The following SLC26A5 variants were observed in gnomAD, a reference collection of about 807,000 sequenced individuals.
SLC26A5 encodes the protein prestin.
SLC26A5 carries 51 observed loss-of-function variants against 81.0 expected under a neutral mutation model. The observed-to-expected ratio is 0.63, with a 90% CI of 0.50 to 0.80. SLC26A5 has a LOEUF of 0.80. Among genes scored for constraint, SLC26A5 ranks in the 30% least tolerant of loss-of-function variants. SLC26A5 has a pLI of 0.00. For missense variants in SLC26A5, 771 were observed against 905.8 expected (o/e 0.85, Z 1.91); for synonymous variants, 325 against 332.8 (o/e 0.98, Z 0.25).
rs559815541 is a variant in SLC26A5, at chr7:103,409,677, C to T, written c.735+708G>A. Among the ~76,000 whole-genome samples, 38 of 151,828 alleles carry T rather than the reference C, an allele frequency of 2.5e-4. 1 individual carries two copies. The highest frequency in any genetic ancestry group is 4.6e-4 in the Non-Finnish European group (31 of 67,944). On this transcript the variant is annotated intron_variant, in intron 7 of 19. Coordinates refer to ENST00000306312, the MANE Select transcript of SLC26A5 (RefSeq NM_198999.3). Reference sequence around the variant, plus strand: ...TTCATGTTAGTTAAATCTTTTATAGCCTTACTTATTTTTTGCCAGTTTGAA... The same window carrying T: ...TTCATGTTAGTTAAATCTTTTATAGTCTTACTTATTTTTTGCCAGTTTGAA...
At chr7:103,432,081 A>G (rs1826121839) in intron 2 of SLC26A5, among the ~76,000 whole-genome samples, 2 of 152,010 alleles carry the variant, frequency 1.3e-5, no homozygotes, top group East Asian at 3.9e-4. Flanking sequence ...ACACTCACCT[A>G]ATTTTTGTAT....
At chr7:103,443,922 A>AT (rs948620014) in intron 1 of SLC26A5, among the ~76,000 whole-genome samples, 5 of 151,766 alleles carry the variant, frequency 3.3e-5, no homozygotes, top group Admixed American at 2.0e-4. Flanking sequence ...GAGCTTTTTT[A>AT]TTTTTTTTCT....
intron 2 of SLC26A5, among the ~76,000 whole-genome samples, chr7:103,428,094 C>T (rs747553086): frequency 2.6e-5 from 4 of 152,174 alleles, no homozygotes; most frequent in Non-Finnish European, 5.9e-5. Context: ...CTCAGGTGAT[C>T]TGCCCACCTT....
intron 2 of SLC26A5, among the ~76,000 whole-genome samples, chr7:103,426,249 C>A (rs1255206531): frequency 6.6e-6 from 1 of 152,160 alleles, no homozygotes; most frequent in South Asian, 2.1e-4. Flanking sequence ...TTAACTGTCA[C>A]AACCATTTCA....
intron 8 of SLC26A5, among the ~76,000 whole-genome samples, chr7:103,404,054 G>T (rs1230550951): frequency 4.6e-5 from 7 of 152,020 alleles, no homozygotes; most frequent in Admixed American, 1.3e-4. Flanking sequence ...GTGGTGGCAG[G>T]CACCTGTAAT....
intron 2 of SLC26A5, among the ~76,000 whole-genome samples, chr7:103,423,728 C>G (rs2116743714): frequency 6.6e-6 from 1 of 152,300 alleles, no homozygotes; most frequent in South Asian, 2.1e-4. Flanking sequence ...GTGCATTGTT[C>G]TTGGACCTCC....
intron 19 of SLC26A5, chr7:103,368,330 G>A (rs938272714): frequency 5.0e-5 from 13 of 257,794 alleles, no homozygotes; most frequent in South Asian, 4.5e-4. Flanking sequence ...TATGCTGGCC[G>A]GGTGCTCTAC....
chr7:103,410,442 T>C lies in SLC26A5; in HGVS notation c.678A>G (p.Leu226=). 1.9e-6 allele frequency: 3 copies of C among 1,614,074 alleles called. No individual in the cohort carries two copies. The highest frequency in any genetic ancestry group is 2.2e-5 in the South Asian group (2 of 91,080). Residue 226 remains leucine, a synonymous_variant, in exon 7 of 20, where the codon TTA becomes TTG. Coordinates refer to ENST00000306312, the MANE Select transcript of SLC26A5 (RefSeq NM_198999.3). The part of the protein sequence containing the change: ...AAAVHVFTSM[L]KYLFGVKTKR... ...TTGTTTTAACTCCAAACAGATATTTTAACATGGAGGTGAAGACATGCACAG... is the reference window on the plus strand; with the variant it reads ...TTGTTTTAACTCCAAACAGATATTTCAACATGGAGGTGAAGACATGCACAG...
At position 103,407,887 on chromosome 7, in the gene SLC26A5, C is replaced by T; in HGVS notation, c.852G>A (p.Glu284=). The change falls in exon 8 of 20, where the codon GAG becomes GAA. Residue 284 remains glutamate (E), a synonymous_variant. Transcript: ENST00000306312. ...GGKEFNERFK[E]KLPAPIPLEF... is the part of the protein sequence containing the mutation. ...CTAAAGGAATAGGCGCCGGCAATTT[C>T]TCTTTAAATCTCTCATTAAACTCCT... The T allele has an allele frequency of 6.2e-7, 1 of 1,614,192 alleles. No homozygotes were observed. Among genetic ancestry groups the T allele is most frequent in the Non-Finnish European group, 8.5e-7 (1 of 1,180,030 alleles).
At chr7:103,376,181 T>A (rs1001061181) in intron 19 of SLC26A5, among the ~76,000 whole-genome samples, 1 of 151,724 alleles carries the variant, frequency 6.6e-6, no homozygotes, top group African/African-American at 2.4e-5. Context: ...ATTCAAGACA[T>A]CCTCCCACCT....
intron 2 of SLC26A5, among the ~76,000 whole-genome samples, chr7:103,441,080 T>C (rs1826840256): frequency 6.6e-6 from 1 of 152,290 alleles, no homozygotes; most frequent in East Asian, 1.9e-4. Context: ...TTTAGCAAGC[T>C]TGAGAATAGG....
intron 19 of SLC26A5, chr7:103,354,071 A>T (rs928465481): frequency 7.7e-6 from 6 of 780,000 alleles, no homozygotes; most frequent in Non-Finnish European, 1.2e-5. Context: ...AAATTAAAAA[A>T]CCAAACAAAA....
intron 7 of SLC26A5, 30 bp from the exon 8 acceptor site, chr7:103,408,033 A>C (rs748737179): frequency 1.7e-5 from 27 of 1,613,700 alleles, no homozygotes; most frequent in Middle Eastern, 3.3e-4. Context: ...GGATGTTTAC[A>C]TCAAGAAATC....
rs1383862775 is a variant in SLC26A5 at position 103,367,881 on chromosome 7, T to C, written c.2041+8927A>G. The C allele has an allele frequency of 1.2e-6, 2 of 1,611,792 alleles. No individual in the cohort carries two copies. Among genetic ancestry groups the C allele is most frequent in the Non-Finnish European group, 8.5e-7 (1 of 1,179,112 alleles). On this transcript the variant is annotated intron_variant, in intron 19 of 19. Transcript: ENST00000339444. The surrounding 1 kb of genome is among the most constrained non-coding windows in gnomAD (Gnocchi z 6.1). ...CTGCTTTAATTAAGCCCGTTTATTT[T>C]CTTTTTGTTTGAAAGGTGCTGAGAT...
intron 19 of SLC26A5, chr7:103,364,333 A>G (rs201639323): frequency 6.2e-7 from 1 of 1,611,142 alleles, no homozygotes; most frequent in East Asian, 2.2e-5. Flanking sequence ...CAAAGAATAT[A>G]TAGCCTTGTG....
rs768856639 is a variant in SLC26A5, at chr7:103,367,277, C to T, written c.2041+9531G>A. The T allele has an allele frequency of 5.9e-6, 4 of 682,190 alleles. No homozygotes were observed. The highest frequency in any genetic ancestry group is 1.0e-5 in the Non-Finnish European group (4 of 391,948). 42.3% of individuals were successfully genotyped at this position (682,190 alleles called of 1,614,324 possible). A position where few individuals can be genotyped will look rare whatever the true frequency, so the allele number is the denominator to read the frequency against. ...TTTTATATAAAGCAAGCTGTTCTTA[C>T]AGGATTTGCTTCAAAGTGGGATGTC... On this transcript the variant is annotated intron_variant, in intron 19 of 19. Coordinates refer to the SLC26A5 transcript ENST00000339444. The surrounding 1 kb of genome is among the most constrained non-coding windows in gnomAD (Gnocchi z 6.1).
intron 8 of SLC26A5, among the ~76,000 whole-genome samples, chr7:103,400,566 G>A (rs2116563223): frequency 6.6e-6 from 1 of 152,248 alleles, no homozygotes; most frequent in East Asian, 1.9e-4. Context: ...AAGCTCTTTA[G>A]TTTAATTAGA....
chr7:103,426,803 T>A (rs975902536), intron 2 of SLC26A5, among the ~76,000 whole-genome samples: 29 of 152,206 alleles, frequency 1.9e-4, no homozygotes, highest in Non-Finnish European at 2.1e-4. Flanking sequence ...GAACCAACAC[T>A]AGGAGATCAA....
At chr7:103,422,139 G>A (rs1825398940) in intron 2 of SLC26A5, among the ~76,000 whole-genome samples, 1 of 152,140 alleles carries the variant, frequency 6.6e-6, no homozygotes, top group South Asian at 2.1e-4. Flanking sequence ...TGATTACATT[G>A]TCATGTTTTT....
Sources: gnomAD v4.1 joint callset for allele counts (sites outside exome capture counted in the v4.1 genomes callset) on GRCh38, gnomAD v4.1.1 for gene constraint, Gnocchi (gnomAD v3.1) non-coding constraint, MANE v1.5 for transcripts, NCBI Gene and HGNC (gene_info 2026-07-23, HGNC 2026-07-21) for gene names.